The following MPHOSPH8 variants were observed in gnomAD, a reference collection of about 807,000 sequenced individuals.
MPHOSPH8 encodes the protein M-phase phosphoprotein, mpp.
A neutral mutation model predicts 87.3 loss-of-function variants in MPHOSPH8; 45 were observed. That is an observed-to-expected ratio of 0.52 (90% CI 0.41 to 0.66). MPHOSPH8 has a LOEUF of 0.66. Among genes scored for constraint, MPHOSPH8 ranks in the 30% least tolerant of loss-of-function variants. The pLI is 0.00. For synonymous variants in MPHOSPH8, 366 were observed against 376.9 expected (o/e 0.97, Z 0.33); for missense variants, 883 against 1,020.2 (o/e 0.87, Z 1.83).
chr13:19,640,196 ACTTT>A (rs1390737857), intron 1 of MPHOSPH8, among the ~76,000 whole-genome samples: 1 of 152,234 alleles, frequency 6.6e-6, no homozygotes, highest in Non-Finnish European at 1.5e-5. Context: ...TTGACTAGTT[ACTTT>A]ATCTAGAAGC....
In MPHOSPH8 at chr13:19,642,175, C is replaced by CCCGAGATT; in HGVS notation, c.276_283dup (p.His95ProfsTer36). The CCCGAGATT allele has an allele frequency of 6.2e-7, 1 of 1,611,364 alleles. No homozygotes were observed. The highest frequency in any genetic ancestry group is 8.5e-7 in the Non-Finnish European group (1 of 1,179,098). Reference sequence around the variant, plus strand: ...TACATCGGATGATGATACCTGGGAGCCCGAGATTCACCTGGAGGACTGTAA... The same window carrying CCCGAGATT: ...TACATCGGATGATGATACCTGGGAGCCCGAGATTCCGAGATTCACCTGGAGGACTGTAA... On this transcript the variant is annotated frameshift_variant, in exon 2 of 14. Coordinates refer to ENST00000361479, the MANE Select transcript of MPHOSPH8 (RefSeq NM_017520.4). LOFTEE classifies it high-confidence loss of function.
In MPHOSPH8 at chr13:19,650,102, T is replaced by G. The variant is rs1487546219; in HGVS notation, c.1418T>G (p.Leu473Arg). ...ENNRKREEIP[L>R]DFKTIDDHKT... is the part of the protein sequence containing the mutation. ...AATCGGAAAAGGGAAGAAATACCACTGGATTTTAAAACCATAGACGATCAC... is the reference window on the plus strand; with the variant it reads ...AATCGGAAAAGGGAAGAAATACCACGGGATTTTAAAACCATAGACGATCAC... Residue 473 changes from leucine to arginine, a missense_variant, in exon 5 of 14, where the codon CTG (leucine) becomes CGG (arginine). Around this residue, in one of 3 missense-constraint regions of MPHOSPH8, gnomAD observed 741 missense variants for 841.5 expected, o/e 0.88. Coordinates refer to ENST00000361479, the MANE Select transcript of MPHOSPH8 (RefSeq NM_017520.4). The G allele has an allele frequency of 6.2e-7, 1 of 1,613,992 alleles. No homozygotes were observed.
intron 1 of MPHOSPH8, among the ~76,000 whole-genome samples, chr13:19,635,396 C>T (rs1451169749): frequency 6.6e-6 from 1 of 152,078 alleles, no homozygotes; most frequent in Non-Finnish European, 1.5e-5. Context: ...GGCGAGGTAG[C>T]GGGCGCCAGT....
In MPHOSPH8 at chr13:19,647,005, A is replaced by G; in HGVS notation, c.932A>G (p.Glu311Gly). Residue 311 changes from glutamate to glycine, a missense_variant, in exon 3 of 14, where the codon GAG (glutamate) becomes GGG (glycine). Physicochemically the swap from Glu to Gly is moderately conservative, Grantham distance 98 (BLOSUM62 -2). This residue lies in a region of MPHOSPH8 where 741 missense variants were observed against 841.5 expected (regional missense o/e 0.88). Coordinates refer to ENST00000361479, the MANE Select transcript of MPHOSPH8 (RefSeq NM_017520.4). ...GQDMGLEHGFEKPLDSAMSAE... is the reference protein window; with the variant it reads ...GQDMGLEHGFGKPLDSAMSAE... ...GACATGGGGCTGGAGCATGGCTTTG[A>G]GAAGCCCCTAGACAGTGCCATGAGT... The G allele has an allele frequency of 1.3e-6, 2 of 1,592,382 alleles. No homozygotes were observed. The highest frequency in any genetic ancestry group is 8.5e-7 in the Non-Finnish European group (1 of 1,174,498).
intron 2 of MPHOSPH8, among the ~76,000 whole-genome samples, chr13:19,645,416 C>G (rs1011789589): frequency 6.6e-6 from 1 of 152,094 alleles, no homozygotes; most frequent in Non-Finnish European, 1.5e-5. Flanking sequence ...CCAGTGCCAC[C>G]ATATTCCCAC....
At chr13:19,650,428 G>GGATCAA in intron 5 of MPHOSPH8, 168 bp downstream of exon 5, 1 of 719,476 alleles carries the variant, frequency 1.4e-6, no homozygotes, top group Non-Finnish European at 2.1e-6. Flanking sequence ...GTCATTCTGT[G>GGATCAA]ACTTCTCAAT....
At chr13:19,663,247 A>T in intron 9 of MPHOSPH8, 121 bp downstream of exon 9, 1 of 858,076 alleles carries the variant, frequency 1.2e-6, no homozygotes, top group Non-Finnish European at 1.9e-6. Context: ...AGACAGTCCT[A>T]GAGTCAGCCG....
At chr13:19,641,612 C>A (rs1874296505) in intron 1 of MPHOSPH8, among the ~76,000 whole-genome samples, 1 of 150,618 alleles carries the variant, frequency 6.6e-6, no homozygotes, top group African/African-American at 2.5e-5. Context: ...CCTGCCTCAG[C>A]TTCCGAAGTA....
intron 1 of MPHOSPH8, among the ~76,000 whole-genome samples, chr13:19,637,601 A>G (rs1874073493): frequency 1.3e-5 from 2 of 149,672 alleles, no homozygotes. Context: ...CTGGGATTAC[A>G]GGCATGAGCC....
intron 4 of MPHOSPH8, 24 bp from the exon 5 acceptor site, chr13:19,649,979 C>A (rs1874756420): frequency 2.0e-6 from 3 of 1,517,150 alleles, no homozygotes; most frequent in Non-Finnish European, 1.8e-6. Context: ...CATACTTAAC[C>A]ATCTATTTTA....
chr13:19,656,672 A>T (rs577607482), intron 5 of MPHOSPH8, among the ~76,000 whole-genome samples: 97 of 152,118 alleles, frequency 6.4e-4, no homozygotes, highest in African/African-American at 2.2e-3. Context: ...AGGCAGGAGA[A>T]TCGCTTCAAC....
At chr13:19,662,947 GTATTTTT>G (rs1457019572) in intron 8 of MPHOSPH8, 86 bp from the exon 9 acceptor site, 3 of 1,069,968 alleles carry the variant, frequency 2.8e-6, no homozygotes, top group Non-Finnish European at 2.8e-6. Flanking sequence ...AACCTGCTGG[GTATTTTT>G]CCTGATGACT....
chr13:19,646,625 A>G lies in MPHOSPH8; in HGVS notation c.552A>G (p.Pro184=). 1.3e-6 allele frequency: 2 copies of G among 1,583,762 alleles called. No individual in the cohort carries two copies. The highest frequency in any genetic ancestry group is 1.7e-6 in the Non-Finnish European group (2 of 1,173,080). ...GGAAGCTAAAAGACAAGTCCAAACC[A>G]GACCTGGAGAGCTCCTTGGAAAGTT... is the stretch of plus-strand genomic sequence containing the variant. The part of the protein sequence containing the change: ...KAGKLKDKSK[P]DLESSLESLV... The change falls in exon 3 of 14, where the codon CCA becomes CCG. Residue 184 remains proline, a synonymous_variant. Transcript: ENST00000361479.
Position 19,673,084 on chromosome 13 carries a change from T to G in MPHOSPH8, c.*1209T>G, listed in dbSNP as rs1401776009. Reference sequence around the variant, plus strand: ...AAAAAAAAAAGTTTCTTGGAACCTATACGGTTTTTTTTTGTTTTTTTTTTT... The same window carrying G: ...AAAAAAAAAAGTTTCTTGGAACCTAGACGGTTTTTTTTTGTTTTTTTTTTT... On this transcript the variant is annotated 3_prime_UTR_variant, in exon 14 of 14. Transcript: ENST00000361479. 3.9e-5 allele frequency: 14 copies of G among 362,648 alleles called. No homozygotes were observed. Among genetic ancestry groups the G allele is most frequent in the Admixed American group, 6.6e-5 (2 of 30,148 alleles). 22.5% of individuals were successfully genotyped at this position (362,648 alleles called of 1,614,324 possible).
chr13:19,667,406 C>G (rs1002024643), intron 10 of MPHOSPH8, among the ~76,000 whole-genome samples: 2 of 152,132 alleles, frequency 1.3e-5, no homozygotes, highest in African/African-American at 4.8e-5. Context: ...AGGGCTCACT[C>G]GTAGTGTTAC....
chr13:19,668,743 GTTAGGTCTTAATAAT>G (rs749852061), intron 11 of MPHOSPH8, among the ~76,000 whole-genome samples: 31 of 152,348 alleles, frequency 2.0e-4, no homozygotes, highest in Non-Finnish European at 3.5e-4. Flanking sequence ...GAGCATGGAA[GTTAGGTCTTAATAAT>G]CACACTAGTT....
intron 7 of MPHOSPH8, among the ~76,000 whole-genome samples, chr13:19,660,117 C>G (rs1208522567): frequency 1.3e-5 from 2 of 150,886 alleles, no homozygotes; most frequent in African/African-American, 4.9e-5. Context: ...CCTGCCACCT[C>G]GCCCGGCTAA....
At chr13:19,657,219 G>A (rs1055565482) in intron 5 of MPHOSPH8, among the ~76,000 whole-genome samples, 12 of 143,120 alleles carry the variant, frequency 8.4e-5, no homozygotes, top group African/African-American at 3.1e-4. Context: ...ATTTTTATTA[G>A]AAAACAGTTT....
chr13:19,647,135 A>G lies in MPHOSPH8; in HGVS notation c.1062A>G (p.Leu354=). The G allele has an allele frequency of 1.9e-6, 3 of 1,614,154 alleles. No homozygotes were observed. The highest frequency in any genetic ancestry group is 2.5e-6 in the Non-Finnish European group (3 of 1,180,020). The stretch of plus-strand genomic sequence containing the variant: ...AGCTAGAGAACAAGAACGCTTTCTT[A>G]GAGAAGAAAACTGTGCCTAAAAAGC... The part of the protein sequence containing the change: ...NRKLENKNAF[L]EKKTVPKKQR... The change falls in exon 3 of 14, where the codon TTA becomes TTG. Residue 354 remains leucine, a synonymous_variant. Coordinates refer to ENST00000361479, the MANE Select transcript of MPHOSPH8 (RefSeq NM_017520.4).
Sources: gnomAD v4.1 joint callset for allele counts (sites outside exome capture counted in the v4.1 genomes callset) on GRCh38, gnomAD v4.1.1 for gene constraint, gnomAD v4.1.1 regional missense constraint, MANE v1.5 for transcripts, NCBI Gene and HGNC (gene_info 2026-07-23, HGNC 2026-07-21) for gene names.